GATD1: variants seen among roughly 807,000 people sequenced by gnomAD.
GATD1 encodes glutamine amidotransferase-like class 1 domain-containing protein 1.
In GATD1, 23 loss-of-function variants were observed where a neutral mutation model predicts 25.9. The observed-to-expected ratio is 0.89, with a 90% confidence interval of 0.64 to 1.26. GATD1 has a LOEUF of 1.26. GATD1 is among the 50% of genes most tolerant of loss of function. GATD1 has a pLI of 0.00. For missense variants in GATD1, 347 were observed against 312.5 expected, an observed-to-expected ratio of 1.11 and a Z score of -0.83; for synonymous variants, 177 against 134.6, an observed-to-expected ratio of 1.31 and a Z score of -2.18.
At position 769,169 on chromosome 11, in the gene GATD1, C is replaced by T. The variant is rs1000912777; in HGVS notation, c.*1728G>A. On this transcript the variant is annotated 3_prime_UTR_variant, in exon 8 of 8. Coordinates refer to ENST00000319863, the MANE Select transcript of GATD1 (RefSeq NM_182612.4). The stretch of plus-strand genomic sequence containing the variant: ...TCACCACACGGGGATGAGAGTGGAC[C>T]CGGGACAGAGCAAGGCCCCGTGGCC... The T allele has an allele frequency of 2.2e-5, 22 of 985,224 alleles. No homozygotes were observed. Among genetic ancestry groups the T allele is most frequent in the Non-Finnish European group, 2.3e-5 (19 of 829,952 alleles). 61.0% of individuals were successfully genotyped at this position (985,224 alleles called of 1,614,324 possible). A position where few individuals can be genotyped will look rare whatever the true frequency, so the allele number is the denominator to read the frequency against.
In GATD1 at chr11:770,325, A is replaced by G; in HGVS notation, c.*572T>C. ...ACTGAGGTGCTTACACTTTGAAACCACACGCCAGGAAGATTTCTTCAACAG... is the reference window on the plus strand; with the variant it reads ...ACTGAGGTGCTTACACTTTGAAACCGCACGCCAGGAAGATTTCTTCAACAG... On this transcript the variant is annotated 3_prime_UTR_variant, in exon 8 of 8. Transcript: ENST00000319863. 1.3e-6 allele frequency: 2 copies of G among 1,534,148 alleles called. No individual in the cohort carries two copies. The highest frequency in any genetic ancestry group is 1.2e-5 in the South Asian group (1 of 83,920).
rs377007879 is a variant in GATD1 at position 771,430 on chromosome 11, C to T, written c.451-4G>A. ...TGACGAGCTCACACACAGAGGGCTG[C>T]GGGAGCGGGGTGGGGGCTCCTGAGA... On this transcript the variant is annotated splice_region_variant and splice_polypyrimidine_tract_variant and intron_variant, in intron 5 of 7. Transcript: ENST00000319863. 99 of 1,524,934 alleles carry T rather than the reference C, an allele frequency of 6.5e-5. 2 individuals carry two copies. In the African/African-American group the frequency reaches 9.7e-4, roughly 15 times the overall value. The allele number at this position is 1,524,934 out of a possible 1,614,324, so 94.5% of individuals were successfully genotyped here. A position where few individuals can be genotyped will look rare whatever the true frequency, so the allele number is the denominator to read the frequency against.
intron 4 of GATD1, 189 bp downstream of exon 4, chr11:773,333 C>T (rs914199555): frequency 1.2e-5 from 7 of 565,692 alleles, no homozygotes; most frequent in Admixed American, 7.2e-5. Flanking sequence ...CACCAGGAGA[C>T]GACAAAGTCT....
chr11:770,797 G>A lies in GATD1; in HGVS notation c.*100C>T. On this transcript the variant is annotated 3_prime_UTR_variant, in exon 8 of 8. Transcript: ENST00000319863. ...GGGCCAGACCAGGCTGCCATCCAGG[G>A]CCCTTGTCAGGAGGGAAGAGGCGGG... 1 of 1,538,280 alleles carries A rather than the reference G, an allele frequency of 6.5e-7. No homozygotes were observed. The highest frequency in any genetic ancestry group is 8.8e-7 in the Non-Finnish European group (1 of 1,142,478).
Position 769,994 on chromosome 11 carries a change from G to C in GATD1, c.*903C>G. 1 of 1,044,986 alleles carries C rather than the reference G, an allele frequency of 9.6e-7. No homozygotes were observed. 64.7% of individuals were successfully genotyped at this position (1,044,986 alleles called of 1,614,324 possible). Reference sequence around the variant, plus strand: ...GGAGCCACGCTGGTGCTTGGGAACGGCTGTGGCTGAGACGGGGAGGTGGGC... The same window carrying C: ...GGAGCCACGCTGGTGCTTGGGAACGCCTGTGGCTGAGACGGGGAGGTGGGC... On this transcript the variant is annotated 3_prime_UTR_variant, in exon 8 of 8. Coordinates refer to ENST00000319863, the MANE Select transcript of GATD1 (RefSeq NM_182612.4).
chr11:769,037 G>A lies in GATD1; in HGVS notation c.*1860C>T, dbSNP rs1325605455. On this transcript the variant is annotated 3_prime_UTR_variant, in exon 8 of 8. Coordinates refer to ENST00000319863, the MANE Select transcript of GATD1 (RefSeq NM_182612.4). ...AATCGCTTGAACCCGGGAGACAGAG[G>A]TTGCAGTGAGCCAAGATTGTGCCAC... 1 of 651,464 alleles carries A rather than the reference G, an allele frequency of 1.5e-6. No homozygotes were observed. 40.4% of individuals were successfully genotyped at this position (651,464 alleles called of 1,614,324 possible). A position where few individuals can be genotyped will look rare whatever the true frequency, so the allele number is the denominator to read the frequency against.
In GATD1 at chr11:775,660, C is replaced by G. The variant is rs532620870; in HGVS notation, c.65-518G>C. ...ATGGAGAACGCAGAAGTGTCCTGGCCCCCCCTCACCCCTTCCAGGGAAGCC... is the reference window on the plus strand; with the variant it reads ...ATGGAGAACGCAGAAGTGTCCTGGCGCCCCCTCACCCCTTCCAGGGAAGCC... On this transcript the variant is annotated intron_variant, in intron 1 of 7. Transcript: ENST00000319863. Among the ~76,000 whole-genome samples the G allele has an allele frequency of 7.9e-5, 12 of 152,318 alleles. No homozygotes were observed. The South Asian group carries it at 2.5e-3, about 32-fold the overall frequency.
chr11:770,182 G>A lies in GATD1; in HGVS notation c.*715C>T, dbSNP rs568610176. The A allele has an allele frequency of 1.2e-4, 159 of 1,276,812 alleles. No homozygotes were observed. The African/African-American group carries it at 1.7e-3, about 14-fold the overall frequency. 79.1% of individuals were successfully genotyped at this position (1,276,812 alleles called of 1,614,324 possible). ...GGACCACTGTCTGCTCTTGATAGCC[G>A]CTCTACCCGAGGCCACTGTGCAAGG... On this transcript the variant is annotated 3_prime_UTR_variant, in exon 8 of 8. Transcript: ENST00000319863.
At chr11:774,466 T>C (rs1042468181) in intron 2 of GATD1, among the ~76,000 whole-genome samples, 19 of 152,254 alleles carry the variant, frequency 1.2e-4, no homozygotes, top group Non-Finnish European at 4.4e-5. Context: ...TGGAAACATG[T>C]GCCCCTCACA....
At chr11:772,374 A>G in intron 5 of GATD1, 53 bp downstream of exon 5, 2 of 1,253,996 alleles carry the variant, frequency 1.6e-6, no homozygotes, top group Non-Finnish European at 2.3e-6. Flanking sequence ...TCTGGCTGTG[A>G]TGGGGGAGGA....
At chr11:771,562 C>T (rs1171686231) in intron 5 of GATD1, 136 bp from the exon 6 acceptor site, 2 of 1,412,984 alleles carry the variant, frequency 1.4e-6, no homozygotes, top group East Asian at 2.6e-5. Context: ...ATAACAGGGA[C>T]AGCTGCTAAG....
chr11:773,668 A>T (rs1334950907), intron 3 of GATD1, 39 bp from the exon 4 acceptor site: 2 of 1,478,276 alleles, frequency 1.4e-6, no homozygotes, highest in East Asian at 2.3e-5. Context: ...GCCACATGTC[A>T]AAGTGAGACT....
chr11:773,769 T>C (rs1863687592), intron 3 of GATD1, 140 bp from the exon 4 acceptor site: 2 of 716,188 alleles, frequency 2.8e-6, no homozygotes, highest in East Asian at 2.7e-5. Flanking sequence ...TTTTCCTCCA[T>C]GGGCTACAGC....
rs141473127 is a variant in GATD1 at position 771,043 on chromosome 11, G to T, written c.606C>A (p.Ala202=). 9 of 1,612,632 alleles carry T rather than the reference G, an allele frequency of 5.6e-6. No homozygotes were observed. Among genetic ancestry groups the T allele is most frequent in the Non-Finnish European group, 6.8e-6 (8 of 1,179,886 alleles). The part of the protein sequence containing the change: ...LDRHLVTGQN[A]SSTVPAVQNL... The stretch of plus-strand genomic sequence containing the variant: ...TCTGCACGGCCGGGACAGTGGAGCT[G>T]GCATTCTGGCCTGTGACCAGGTGGC... Residue 202 remains alanine (A), a synonymous_variant, in exon 7 of 8, where the codon GCC becomes GCA. Coordinates refer to ENST00000319863, the MANE Select transcript of GATD1 (RefSeq NM_182612.4).
chr11:770,192 A>C lies in GATD1; in HGVS notation c.*705T>G. Reference sequence around the variant, plus strand: ...CTGCTCTTGATAGCCGCTCTACCCGAGGCCACTGTGCAAGGCCGTGGGGGA... The same window carrying C: ...CTGCTCTTGATAGCCGCTCTACCCGCGGCCACTGTGCAAGGCCGTGGGGGA... On this transcript the variant is annotated 3_prime_UTR_variant, in exon 8 of 8. Transcript: ENST00000319863. The C allele has an allele frequency of 1.5e-6, 2 of 1,295,770 alleles. No homozygotes were observed. Among genetic ancestry groups the C allele is most frequent in the African/African-American group, 1.5e-5 (1 of 66,470 alleles). The allele number at this position is 1,295,770 out of a possible 1,614,324, so 80.3% of individuals were successfully genotyped here.
Position 772,529 on chromosome 11 carries a change from C to T in GATD1, c.356-8G>A. 1 of 1,608,750 alleles carries T rather than the reference C, an allele frequency of 6.2e-7. No individual in the cohort carries two copies. The highest frequency in any genetic ancestry group is 8.5e-7 in the Non-Finnish European group (1 of 1,179,694). ...CGACGGCGCAGATGGGTTCTGAAAGCCGTACATGGCGTTGAGGCCCTGGAC... is the reference window on the plus strand; with the variant it reads ...CGACGGCGCAGATGGGTTCTGAAAGTCGTACATGGCGTTGAGGCCCTGGAC... On this transcript the variant is annotated splice_polypyrimidine_tract_variant and splice_region_variant and intron_variant, in intron 4 of 7. Transcript: ENST00000319863.
Position 772,436 on chromosome 11 carries a change from G to A in GATD1, c.441C>T (p.Ser147=). ...GCCTCCAGACACTCACCCCTGTCAG[G>A]CTGTAGCTGTCGAACACCCAGGATC... ...EDRSWVFDSY[S]LTGPSVCELV... Residue 147 remains serine (S), a synonymous_variant, in exon 5 of 8, where the codon AGC becomes AGT. Coordinates refer to ENST00000319863, the MANE Select transcript of GATD1 (RefSeq NM_182612.4). 2 of 1,613,304 alleles carry A rather than the reference G, an allele frequency of 1.2e-6. No homozygotes were observed. Among genetic ancestry groups the A allele is most frequent in the Non-Finnish European group, 1.7e-6 (2 of 1,179,930 alleles).
Position 770,025 on chromosome 11 carries a change from G to A in GATD1, c.*872C>T, listed in dbSNP as rs776775218. On this transcript the variant is annotated 3_prime_UTR_variant, in exon 8 of 8. Coordinates refer to ENST00000319863, the MANE Select transcript of GATD1 (RefSeq NM_182612.4). ...GCTGAGACGGGGAGGTGGGCAGGAA[G>A]AAGGCCTTCGATGGCTCAAACTGGG... is the stretch of plus-strand genomic sequence containing the variant. 1.7e-5 allele frequency: 19 copies of A among 1,096,722 alleles called. No individual in the cohort carries two copies. The highest frequency in any genetic ancestry group is 2.0e-5 in the Non-Finnish European group (18 of 902,686). 67.9% of individuals were successfully genotyped at this position (1,096,722 alleles called of 1,614,324 possible). A position where few individuals can be genotyped will look rare whatever the true frequency, so the allele number is the denominator to read the frequency against.
chr11:775,060 A>C lies in GATD1; in HGVS notation c.141+6T>G. ...TGTCCAGTGGGGAAGGAGAGGCTGG[A>C]CTTACCCCAGGGGTGGCCACCTGCA... On this transcript the variant is annotated splice_donor_region_variant and intron_variant, in intron 2 of 7. Coordinates refer to ENST00000319863, the MANE Select transcript of GATD1 (RefSeq NM_182612.4). The C allele has an allele frequency of 6.3e-7, 1 of 1,599,196 alleles. No homozygotes were observed. Among genetic ancestry groups the C allele is most frequent in the Non-Finnish European group, 8.5e-7 (1 of 1,174,406 alleles).
Sources: gnomAD v4.1 joint callset for allele counts (sites outside exome capture counted in the v4.1 genomes callset) on GRCh38, gnomAD v4.1.1 for gene constraint, MANE v1.5 for transcripts, NCBI Gene and HGNC (gene_info 2026-07-23, HGNC 2026-07-21) for gene names.